GPC6: variants seen among roughly 807,000 people sequenced by gnomAD.
The protein encoded by GPC6 is glypican-6.
GPC6 carries 14 observed loss-of-function variants against 55.2 expected under a neutral mutation model. That is an observed-to-expected ratio of 0.25 (90% CI 0.17 to 0.40). The LOEUF (loss-of-function observed/expected upper bound fraction) is 0.40, where lower values mean the gene tolerates loss of function less well. Ranked by LOEUF, GPC6 falls within the 10% of genes least tolerant of loss-of-function variation. The pLI is 1.00. For missense variants in GPC6, 641 were observed against 708.5 expected, an observed-to-expected ratio of 0.90 and a Z score of 1.08; for synonymous variants, 278 against 259.6, an observed-to-expected ratio of 1.07 and a Z score of -0.68.
At chr13:93,890,721 T>TTA (rs1389889084) in intron 3 of GPC6, among the ~76,000 whole-genome samples, 4 of 151,160 alleles carry the variant, frequency 2.6e-5, no homozygotes, top group Non-Finnish European at 5.9e-5. Context: ...ACTTAATTTT[T>TTA]TTTTTTTTTT....
chr13:94,128,670 T>C (rs1886906142), intron 4 of GPC6, among the ~76,000 whole-genome samples: 1 of 152,140 alleles, frequency 6.6e-6, no homozygotes, highest in African/African-American at 2.4e-5. Context: ...TACTTGGCCC[T>C]ATCTAACCAC....
chr13:93,263,691 C>A (rs1017199479), intron 1 of GPC6, among the ~76,000 whole-genome samples: 1 of 146,782 alleles, frequency 6.8e-6, no homozygotes, highest in South Asian at 2.1e-4. Flanking sequence ...TGTTCTCCTG[C>A]GACCACTCTG....
chr13:93,971,681 A>G (rs901660594), intron 3 of GPC6, among the ~76,000 whole-genome samples: 2 of 152,200 alleles, frequency 1.3e-5, no homozygotes, highest in African/African-American at 4.8e-5. Flanking sequence ...AATTACTGCA[A>G]CTCAGAAGGA....
At chr13:94,394,703 T>C (rs1880819328) in intron 7 of GPC6, among the ~76,000 whole-genome samples, 1 of 152,198 alleles carries the variant, frequency 6.6e-6, no homozygotes. Context: ...CCATTTTTAT[T>C]TTCAGCTATT....
chr13:93,406,609 ACT>A (rs1446294909), intron 1 of GPC6, among the ~76,000 whole-genome samples: 1 of 152,224 alleles, frequency 6.6e-6, no homozygotes, highest in African/African-American at 2.4e-5. Flanking sequence ...TGAATAACAA[ACT>A]CACAGAAGTG....
intron 6 of GPC6, among the ~76,000 whole-genome samples, chr13:94,335,013 G>A (rs1392187981): frequency 6.6e-6 from 1 of 152,206 alleles, no homozygotes; most frequent in African/African-American, 2.4e-5. Flanking sequence ...TTCAGAGGTA[G>A]AAGTACATGC....
At chr13:93,418,460 A>G (rs1876788462) in intron 1 of GPC6, among the ~76,000 whole-genome samples, 1 of 151,404 alleles carries the variant, frequency 6.6e-6, no homozygotes. Context: ...ACTATACTGT[A>G]GTATTACTTT....
In GPC6 at chr13:93,694,508, T is replaced by A. The variant is rs187584120; in HGVS notation, c.320-135646T>A. The stretch of plus-strand genomic sequence containing the variant: ...ATTGAAAAGCAGCAGTCAAAGTTGA[T>A]ACCTGGACTCTACACCAACTGTTGA... On this transcript the variant is annotated intron_variant, in intron 2 of 8. Transcript: ENST00000377047. Among the ~76,000 whole-genome samples the A allele has an allele frequency of 6.6e-5, 10 of 152,316 alleles. No homozygotes were observed. The East Asian group carries it at 1.7e-3, about 26-fold the overall frequency.
intron 2 of GPC6, among the ~76,000 whole-genome samples, chr13:93,657,344 AT>A (rs1880719074): frequency 6.6e-6 from 1 of 152,108 alleles, no homozygotes; most frequent in African/African-American, 2.4e-5. Flanking sequence ...AAACCAAGCA[AT>A]GGGGAAAGGA....
At chr13:93,608,178 G>A (rs1878324385) in intron 2 of GPC6, among the ~76,000 whole-genome samples, 1 of 151,848 alleles carries the variant, frequency 6.6e-6, no homozygotes, top group African/African-American at 2.4e-5. Flanking sequence ...AAAGGGTCTA[G>A]TGTATTGCCT....
At chr13:93,742,459 G>A (rs1884240806) in intron 2 of GPC6, among the ~76,000 whole-genome samples, 1 of 152,174 alleles carries the variant, frequency 6.6e-6, no homozygotes, top group Non-Finnish European at 1.5e-5. Context: ...AAGGTTACAG[G>A]CATTGTGTGA....
chr13:94,264,694 G>T (rs1169507379), intron 4 of GPC6, among the ~76,000 whole-genome samples: 1 of 152,168 alleles, frequency 6.6e-6, no homozygotes, highest in East Asian at 1.9e-4. Flanking sequence ...AATTTAAAAA[G>T]AGGTATTTGA....
intron 3 of GPC6, among the ~76,000 whole-genome samples, chr13:93,963,132 T>A (rs964227622): frequency 1.3e-5 from 2 of 152,208 alleles, no homozygotes; most frequent in Non-Finnish European, 2.9e-5. Flanking sequence ...CTATTTTTTC[T>A]TGTAGATTTG....
intron 4 of GPC6, among the ~76,000 whole-genome samples, chr13:94,261,821 G>T (rs1429043933): frequency 6.6e-6 from 1 of 152,208 alleles, no homozygotes; most frequent in Non-Finnish European, 1.5e-5. Flanking sequence ...AGTGAGAGCA[G>T]TTTGTGGCCA....
At chr13:93,294,716 A>G (rs1029886140) in intron 1 of GPC6, among the ~76,000 whole-genome samples, 1 of 152,158 alleles carries the variant, frequency 6.6e-6, no homozygotes, top group African/African-American at 2.4e-5. Context: ...TCAGTTTTCT[A>G]TGTTTTGTCC....
chr13:93,800,889 T>G (rs989409483), intron 2 of GPC6, among the ~76,000 whole-genome samples: 1 of 152,202 alleles, frequency 6.6e-6, no homozygotes, highest in African/African-American at 2.4e-5. Context: ...TGAATCTGCC[T>G]GCCAGTGCTA....
intron 4 of GPC6, among the ~76,000 whole-genome samples, chr13:94,047,774 A>G (rs960673468): frequency 2.0e-5 from 3 of 152,106 alleles, no homozygotes; most frequent in African/African-American, 7.2e-5. Flanking sequence ...AACACTACAC[A>G]TTTATATAAC....
At chr13:93,432,532 C>T (rs1436116766) in intron 1 of GPC6, among the ~76,000 whole-genome samples, 3 of 152,098 alleles carry the variant, frequency 2.0e-5, no homozygotes, top group African/African-American at 7.2e-5. Context: ...TTCAAAGTTG[C>T]AGTCTTTCTG....
intron 4 of GPC6, among the ~76,000 whole-genome samples, chr13:94,239,688 G>A (rs1397914341): frequency 6.6e-6 from 1 of 152,086 alleles, no homozygotes; most frequent in Non-Finnish European, 1.5e-5. Flanking sequence ...ATAGTTTCCT[G>A]GGAATCTTAC....
Sources: allele counts gnomAD v4.1 joint callset (sites outside exome capture counted in the v4.1 genomes callset), GRCh38; gene constraint gnomAD v4.1.1; transcripts MANE v1.5; gene names NCBI Gene and HGNC (gene_info 2026-07-23, HGNC 2026-07-21).